Variants in TMOD1 observed in about 807,000 individuals in gnomAD.
The protein encoded by TMOD1 is tropomodulin 1.
A neutral mutation model predicts 40.6 loss-of-function variants in TMOD1; 17 were observed. That is an observed-to-expected ratio of 0.42 (90% CI 0.29 to 0.63). TMOD1 has a LOEUF of 0.63. Ranked by LOEUF, TMOD1 falls within the 20% of genes least tolerant of loss-of-function variation. The pLI, the probability that TMOD1 is intolerant of heterozygous loss-of-function variation, is 0.22. For synonymous variants in TMOD1, 181 were observed against 175.0 expected, an observed-to-expected ratio of 1.03 and a Z score of -0.27; for missense variants, 391 against 447.6, an observed-to-expected ratio of 0.87 and a Z score of 1.14.
At chr9:97,540,803 T>C (rs1024136092) in intron 2 of TMOD1, among the ~76,000 whole-genome samples, 2 of 152,244 alleles carry the variant, frequency 1.3e-5, no homozygotes, top group African/African-American at 4.8e-5. Context: ...TTGTTCGTAC[T>C]TTTGTTATTA....
At chr9:97,529,825 G>A (rs1830071697) in intron 2 of TMOD1, among the ~76,000 whole-genome samples, 1 of 152,178 alleles carries the variant, frequency 6.6e-6, no homozygotes, top group African/African-American at 2.4e-5. Flanking sequence ...ACTTCTGCAG[G>A]GAGCAGTGTA....
chr9:97,566,731 G>C (rs549211591), intron 7 of TMOD1, among the ~76,000 whole-genome samples: 1 of 152,112 alleles, frequency 6.6e-6, no homozygotes, highest in East Asian at 1.9e-4. Context: ...TCATCAGCAG[G>C]TCCCAATGAC....
intron 2 of TMOD1, among the ~76,000 whole-genome samples, chr9:97,538,101 G>A (rs1415162809): frequency 6.6e-6 from 1 of 152,152 alleles, no homozygotes; most frequent in Non-Finnish European, 1.5e-5. Context: ...GCTGGGTAGT[G>A]TGGAGGCATG....
intron 8 of TMOD1, among the ~76,000 whole-genome samples, chr9:97,577,102 T>C (rs1050935595): frequency 6.7e-6 from 1 of 149,456 alleles, no homozygotes; most frequent in Middle Eastern, 3.4e-3. Context: ...TGAAGGAGTA[T>C]GAGAGTTCTT....
chr9:97,576,703 G>A lies in TMOD1; in HGVS notation c.870+7666G>A, dbSNP rs574483783. On this transcript the variant is annotated intron_variant, in intron 8 of 9. Transcript: ENST00000259365. ...GGCTGGAGTGCAGTGGCACGATCTC[G>A]GCTCACTGCAAGCTCCGCCTCCCAG... is the stretch of plus-strand genomic sequence containing the variant. Among the ~76,000 whole-genome samples the A allele has an allele frequency of 1.2e-3, 187 of 151,206 alleles. 1 individual carries two copies. Among genetic ancestry groups the A allele is most frequent in the African/African-American group, 4.4e-3 (182 of 41,194 alleles).
intron 1 of TMOD1, among the ~76,000 whole-genome samples, chr9:97,520,874 T>C (rs1262570424): frequency 6.6e-6 from 1 of 152,214 alleles, no homozygotes; most frequent in Non-Finnish European, 1.5e-5. Flanking sequence ...TTCTGGCTCT[T>C]TTCCCAGCCC....
chr9:97,559,845 A>G (rs1171224321), intron 4 of TMOD1, among the ~76,000 whole-genome samples: 1 of 105,384 alleles, frequency 9.5e-6, no homozygotes, highest in East Asian at 2.7e-4. Flanking sequence ...CTATCTATCT[A>G]TCTATCTCCA....
At chr9:97,526,174 A>G (rs1830011932) in intron 2 of TMOD1, among the ~76,000 whole-genome samples, 1 of 152,220 alleles carries the variant, frequency 6.6e-6, no homozygotes, top group African/African-American at 2.4e-5. Flanking sequence ...CAGCTTCAGG[A>G]TGGTGGAGAA....
In TMOD1 at chr9:97,591,414, A is replaced by G. The variant is rs766425385; in HGVS notation, c.994A>G (p.Met332Val). The G allele has an allele frequency of 6.2e-6, 10 of 1,614,110 alleles. No individual in the cohort carries two copies. The African/African-American group carries it at 6.7e-5, about 11-fold the overall frequency. The change falls in exon 9 of 10, where the codon ATG becomes GTG. Residue 332 changes from methionine (M) to valine (V), a missense_variant. Met to Val is a conservative substitution (Grantham distance 21). Coordinates refer to ENST00000259365, the MANE Select transcript of TMOD1 (RefSeq NM_003275.4). ...ACCCCGGCTTCGGGCATCCAACGCA[A>G]TGATGAACAACAATGACCTTGGTGA... ...QGPRLRASNA[M>V]MNNNDLVRKR...
Position 97,601,630 on chromosome 9 carries a change from A to T in TMOD1, c.*1932A>T, listed in dbSNP as rs41274252. The T allele has an allele frequency of 0.027, 26,269 of 984,016 alleles. 4,386 individuals carry two copies. In the African/African-American group the frequency reaches 0.37, roughly 14 times the overall value. The allele number at this position is 984,016 out of a possible 1,614,324, so 61.0% of individuals were successfully genotyped here. A position where few individuals can be genotyped will look rare whatever the true frequency, so the allele number is the denominator to read the frequency against. ...TTTCTGTAAAAGGCCAGACAGTAAA[A>T]ATTTCCGATTTTGCAGGCCACATAG... is the stretch of plus-strand genomic sequence containing the variant. On this transcript the variant is annotated 3_prime_UTR_variant, in exon 10 of 10. Coordinates refer to ENST00000259365, the MANE Select transcript of TMOD1 (RefSeq NM_003275.4).
chr9:97,588,841 C>T (rs1173788002), intron 8 of TMOD1, among the ~76,000 whole-genome samples: 1 of 151,924 alleles, frequency 6.6e-6, no homozygotes, highest in East Asian at 1.9e-4. Context: ...TTCTTTTTGG[C>T]CAAGCGCAGT....
At chr9:97,532,077 G>A (rs566539824) in intron 2 of TMOD1, among the ~76,000 whole-genome samples, 17 of 152,364 alleles carry the variant, frequency 1.1e-4, no homozygotes, top group Admixed American at 9.8e-4. Flanking sequence ...AAGCAGCCAA[G>A]TTTGGTCCAC....
In TMOD1 at chr9:97,599,843, T is replaced by C. The variant is rs1245468534; in HGVS notation, c.*145T>C. 1.5e-5 allele frequency: 22 copies of C among 1,439,844 alleles called. No individual in the cohort carries two copies. The highest frequency in any genetic ancestry group is 2.0e-5 in the Non-Finnish European group (22 of 1,088,582). The allele number at this position is 1,439,844 out of a possible 1,614,324, so 89.2% of individuals were successfully genotyped here. ...TTATGCACTAAGGTTTTAGGTTGAC[T>C]AGTGGTTGTAGTTGAAAATTTTATA... On this transcript the variant is annotated 3_prime_UTR_variant, in exon 10 of 10. Coordinates refer to ENST00000259365, the MANE Select transcript of TMOD1 (RefSeq NM_003275.4).
intron 8 of TMOD1, among the ~76,000 whole-genome samples, chr9:97,588,565 G>T (rs562659651): frequency 6.6e-6 from 1 of 152,108 alleles, no homozygotes; most frequent in East Asian, 1.9e-4. Flanking sequence ...TCTTGTGTCT[G>T]TTGAAGCACA....
chr9:97,554,649 G>A (rs2131256374), intron 4 of TMOD1, among the ~76,000 whole-genome samples: 1 of 152,266 alleles, frequency 6.6e-6, no homozygotes, highest in Non-Finnish European at 1.5e-5. Context: ...AAGATGGGCA[G>A]AATTGGATGC....
chr9:97,532,814 C>CT (rs1230077840), intron 2 of TMOD1, among the ~76,000 whole-genome samples: 1 of 152,134 alleles, frequency 6.6e-6, no homozygotes, highest in Non-Finnish European at 1.5e-5. Context: ...GTCATCTTGG[C>CT]TTATCTATTA....
chr9:97,578,635 T>A (rs967624860), intron 8 of TMOD1, among the ~76,000 whole-genome samples: 1 of 150,942 alleles, frequency 6.6e-6, no homozygotes, highest in Non-Finnish European at 1.5e-5. Flanking sequence ...CGAGGGAGCA[T>A]GGTCCAACTT....
At chr9:97,590,596 C>T (rs1340581635) in intron 8 of TMOD1, among the ~76,000 whole-genome samples, 1 of 151,660 alleles carries the variant, frequency 6.6e-6, no homozygotes, top group Non-Finnish European at 1.5e-5. Context: ...TCATCATATT[C>T]TTCCCAACAT....
At chr9:97,559,721 T>G (rs1441422827) in intron 4 of TMOD1, among the ~76,000 whole-genome samples, 1 of 141,668 alleles carries the variant, frequency 7.1e-6, no homozygotes, top group Non-Finnish European at 1.5e-5. Context: ...GCCAAGATCA[T>G]GCCATTGCAC....
Sources: gnomAD v4.1 joint callset for allele counts (sites outside exome capture counted in the v4.1 genomes callset) on GRCh38, gnomAD v4.1.1 for gene constraint, MANE v1.5 for transcripts, NCBI Gene and HGNC (gene_info 2026-07-23, HGNC 2026-07-21) for gene names.